RBFOX1: variants seen among roughly 807,000 people sequenced by gnomAD.
The protein encoded by RBFOX1 is RNA binding protein fox-1 homolog 1.
RBFOX1 carries 8 observed loss-of-function variants against 57.7 expected under a neutral mutation model. The observed-to-expected ratio is 0.14, with a 90% CI of 0.08 to 0.25. The LOEUF is 0.25. RBFOX1 is among the 10% of genes least tolerant of loss of function. RBFOX1 has a pLI of 1.00. For missense variants in RBFOX1, 611 were observed against 548.5 expected, an observed-to-expected ratio of 1.11 and a Z score of -1.14; for synonymous variants, 326 against 222.4, an observed-to-expected ratio of 1.47 and a Z score of -4.15.
intron 4 of RBFOX1, among the ~76,000 whole-genome samples, chr16:5,961,788 A>C (rs1012340675): frequency 2.6e-5 from 4 of 152,114 alleles, no homozygotes; most frequent in Admixed American, 2.6e-4. Flanking sequence ...TCAGCCTTCC[A>C]AAGCACTGGG....
chr16:7,078,768 C>T (rs1453227301), intron 4 of RBFOX1, among the ~76,000 whole-genome samples: 2 of 150,030 alleles, frequency 1.3e-5, no homozygotes, highest in Non-Finnish European at 3.0e-5. Flanking sequence ...CTGCAACCTC[C>T]ACTTCCCGAG....
chr16:6,382,260 G>T (rs897705033), intron 2 of RBFOX1, among the ~76,000 whole-genome samples: 4 of 152,356 alleles, frequency 2.6e-5, no homozygotes, highest in African/African-American at 4.8e-5. Flanking sequence ...CCTGCGGTCT[G>T]AAAGCATAGT....
At chr16:6,607,702 C>G (rs1054136136) in intron 2 of RBFOX1, among the ~76,000 whole-genome samples, 1 of 151,988 alleles carries the variant, frequency 6.6e-6, no homozygotes, top group Admixed American at 6.6e-5. Context: ...TGTGAGTGTG[C>G]AAATAAGAAA....
Position 5,492,572 on chromosome 16 carries a change from C to A in RBFOX1, c.258+25318C>A, listed in dbSNP as rs905136318. Reference sequence around the variant, plus strand: ...TGTGACAGAACATTTTAAGCAGAGGCAGTACAGTGTGTACAAAGGTCCTGT... The same window carrying A: ...TGTGACAGAACATTTTAAGCAGAGGAAGTACAGTGTGTACAAAGGTCCTGT... On this transcript the variant is annotated intron_variant, in intron 2 of 2. Transcript: ENST00000585867. Among the ~76,000 whole-genome samples the A allele has an allele frequency of 3.3e-5, 5 of 152,194 alleles. No individual in the cohort carries two copies. The East Asian group carries it at 9.6e-4, about 29-fold the overall frequency.
At chr16:6,385,399 G>A (rs1422533604) in intron 2 of RBFOX1, among the ~76,000 whole-genome samples, 1 of 151,926 alleles carries the variant, frequency 6.6e-6, no homozygotes, top group Non-Finnish European at 1.5e-5. Context: ...TCCCTCTTTT[G>A]CCCAGGCTGG....
rs575679342 is a variant in RBFOX1, at chr16:6,200,628, C to T, written c.-126-116367C>T. ...ATTTAAAAAAATACAGTTTTACACA[C>T]GTTAAATGATTAAGAAATACATAAA... On this transcript the variant is annotated intron_variant, in intron 1 of 15. Coordinates refer to ENST00000550418, the MANE Select transcript of RBFOX1 (RefSeq NM_018723.4). 3.9e-5 allele frequency among the ~76,000 whole-genome samples: 6 copies of T among 152,232 alleles called. No homozygotes were observed. In the East Asian group the frequency reaches 5.8e-4, roughly 15 times the overall value.
At chr16:5,769,275 A>T (rs1011038180) in intron 3 of RBFOX1, among the ~76,000 whole-genome samples, 1 of 152,006 alleles carries the variant, frequency 6.6e-6, no homozygotes, top group African/African-American at 2.4e-5. Flanking sequence ...CAGGGTGTTT[A>T]TGGAGCTAAT....
At chr16:6,786,161 C>T (rs1052016628) in intron 3 of RBFOX1, among the ~76,000 whole-genome samples, 5 of 152,146 alleles carry the variant, frequency 3.3e-5, no homozygotes, top group African/African-American at 1.2e-4. Flanking sequence ...GTTCGGGGGC[C>T]AGGCGAAGAT....
intron 2 of RBFOX1, among the ~76,000 whole-genome samples, chr16:6,490,772 G>A (rs145824766): frequency 7.9e-5 from 12 of 152,356 alleles, no homozygotes; most frequent in Non-Finnish European, 1.8e-4. Context: ...TGGGCTGGAA[G>A]TGGAATCCAT....
intron 3 of RBFOX1, among the ~76,000 whole-genome samples, chr16:5,769,076 GA>G (rs543037733): frequency 1.5e-4 from 22 of 145,574 alleles, no homozygotes; most frequent in African/African-American, 3.5e-4. Flanking sequence ...AGGTCAAAAA[GA>G]AAAAAAAAAG....
chr16:6,998,944 C>T (rs1358649917), intron 3 of RBFOX1, among the ~76,000 whole-genome samples: 2 of 151,238 alleles, frequency 1.3e-5, no homozygotes, highest in South Asian at 2.1e-4. Context: ...TCTAGGCTCA[C>T]TGTAACCTCC....
chr16:6,226,203 C>CAAAAAAAAA (rs543386716), intron 1 of RBFOX1, among the ~76,000 whole-genome samples: 4 of 99,972 alleles, frequency 4.0e-5, no homozygotes, highest in African/African-American at 8.5e-5. Flanking sequence ...ACTAAAAATA[C>CAAAAAAAAA]AAAAAAAAAA....
rs1004990911 is a variant in RBFOX1, at chr16:7,547,000, A to G, written c.270+28611A>G. Among the ~76,000 whole-genome samples, 33 of 152,154 alleles carry G rather than the reference A, an allele frequency of 2.2e-4. 1 individual carries two copies. Among genetic ancestry groups the G allele is most frequent in the African/African-American group, 8.0e-4 (33 of 41,504 alleles). On this transcript the variant is annotated intron_variant, in intron 5 of 15. Coordinates refer to ENST00000550418, the MANE Select transcript of RBFOX1 (RefSeq NM_018723.4). Reference sequence around the variant, plus strand: ...TAAAACAAAATCACCCTCTAGAAAGATCATACCAATTTAAACTCCCACCAA... The same window carrying G: ...TAAAACAAAATCACCCTCTAGAAAGGTCATACCAATTTAAACTCCCACCAA...
At chr16:6,770,312 A>G (rs2078072567) in intron 3 of RBFOX1, among the ~76,000 whole-genome samples, 1 of 152,190 alleles carries the variant, frequency 6.6e-6, no homozygotes, top group African/African-American at 2.4e-5. Flanking sequence ...TTGAAACTGT[A>G]CAAATCAAAT....
intron 1 of RBFOX1, among the ~76,000 whole-genome samples, chr16:6,032,664 ATT>A (rs887442893): frequency 1.3e-5 from 2 of 150,442 alleles, no homozygotes; most frequent in Non-Finnish European, 3.0e-5. Context: ...TTGCCATTTG[ATT>A]TTTTTTTTAA....
At chr16:5,432,559 G>GTTTTTTT (rs35344614) in intron 1 of RBFOX1, among the ~76,000 whole-genome samples, 9 of 94,214 alleles carry the variant, frequency 9.6e-5, no homozygotes, top group South Asian at 3.9e-4. Flanking sequence ...TTGTTTGTTT[G>GTTTTTTT]TTTTTTTTTT....
chr16:7,520,086 T>C (rs1335604741), intron 5 of RBFOX1, among the ~76,000 whole-genome samples: 1 of 152,212 alleles, frequency 6.6e-6, no homozygotes, highest in Non-Finnish European at 1.5e-5. Context: ...GGGATTTCAC[T>C]GTGTTATCCA....
chr16:5,277,867 G>A (rs112904707), intron 1 of RBFOX1, among the ~76,000 whole-genome samples: 12 of 152,116 alleles, frequency 7.9e-5, no homozygotes, highest in East Asian at 3.9e-4. Context: ...TCTATTGTGC[G>A]TATATTCCCA....
At chr16:6,632,053 C>T (rs1158512362) in intron 2 of RBFOX1, among the ~76,000 whole-genome samples, 1 of 152,050 alleles carries the variant, frequency 6.6e-6, no homozygotes, top group Non-Finnish European at 1.5e-5. Flanking sequence ...AATGTTTGGA[C>T]AATGTTTAGT....
Sources: allele counts gnomAD v4.1 joint callset (sites outside exome capture counted in the v4.1 genomes callset), GRCh38; gene constraint gnomAD v4.1.1; transcripts MANE v1.5; gene names NCBI Gene and HGNC (gene_info 2026-07-23, HGNC 2026-07-21).